The following PTPRD variants were observed in gnomAD, a reference collection of about 807,000 sequenced individuals.
The protein encoded by PTPRD is protein tyrosine phosphatase receptor type D, also known as receptor-type tyrosine-protein phosphatase delta.
PTPRD carries 34 observed loss-of-function variants against 214.5 expected under a neutral mutation model. That is an observed-to-expected ratio of 0.16 (90% CI 0.12 to 0.21). The LOEUF is 0.21. Among genes scored for constraint, PTPRD ranks in the 10% least tolerant of loss-of-function variants. PTPRD has a pLI of 1.00. For missense variants in PTPRD, 2,545 were observed against 2,398.7 expected (o/e 1.06, Z -1.27); for synonymous variants, 1,128 against 845.7 (o/e 1.33, Z -5.79).
At chr9:9,597,691 T>C (rs986914130) in intron 7 of PTPRD, among the ~76,000 whole-genome samples, 6 of 151,922 alleles carry the variant, frequency 3.9e-5, no homozygotes, top group African/African-American at 9.7e-5. Context: ...AAAAAAGATA[T>C]GTAATTGATG....
intron 3 of PTPRD, among the ~76,000 whole-genome samples, chr9:10,311,680 TA>T (rs2096270251): frequency 6.6e-6 from 1 of 152,106 alleles, no homozygotes; most frequent in African/African-American, 2.4e-5. Context: ...AAAGTTAGCA[TA>T]TTTTTTCAGG....
intron 12 of PTPRD, chr9:8,713,501 G>C (rs925943388): frequency 8.7e-6 from 10 of 1,153,200 alleles, no homozygotes; most frequent in Non-Finnish European, 1.3e-5. Flanking sequence ...ACTGTCTACT[G>C]TGGTCAGGTG....
At chr9:9,344,556 T>G (rs934190940) in intron 9 of PTPRD, among the ~76,000 whole-genome samples, 2 of 151,966 alleles carry the variant, frequency 1.3e-5, no homozygotes, top group African/African-American at 4.8e-5. Flanking sequence ...AGTATATATA[T>G]ATGCATTTGT....
intron 8 of PTPRD, among the ~76,000 whole-genome samples, chr9:9,412,982 CATATT>C: frequency 6.6e-6 from 1 of 151,844 alleles, no homozygotes; most frequent in African/African-American, 2.4e-5. Context: ...CAGTCCACCT[CATATT>C]ATACCACAAT....
chr9:9,387,271 G>A (rs182172359), intron 9 of PTPRD, among the ~76,000 whole-genome samples: 11 of 152,266 alleles, frequency 7.2e-5, no homozygotes, highest in East Asian at 5.8e-4. Context: ...AATAATACAA[G>A]TTGGTTTTTC....
intron 9 of PTPRD, among the ~76,000 whole-genome samples, chr9:9,356,105 A>G (rs1368125937): frequency 6.6e-6 from 1 of 151,418 alleles, no homozygotes; most frequent in Non-Finnish European, 1.5e-5. Flanking sequence ...ATAAAGAAGA[A>G]TCACAGAAAA....
intron 11 of PTPRD, among the ~76,000 whole-genome samples, chr9:8,826,211 C>CCTCATCATT (rs200191433): frequency 8.2e-6 from 1 of 121,588 alleles, no homozygotes; most frequent in Non-Finnish European, 1.8e-5. Flanking sequence ...ATCTCTCATC[C>CCTCATCATT]AGACTACCTA....
intron 35 of PTPRD, among the ~76,000 whole-genome samples, chr9:8,425,846 C>A (rs1237282117): frequency 6.6e-6 from 1 of 152,092 alleles, no homozygotes; most frequent in Non-Finnish European, 1.5e-5. Flanking sequence ...TTAAAACTAG[C>A]AGAGACATCA....
In PTPRD at chr9:10,576,809, C is replaced by T. The variant is rs530531207; in HGVS notation, c.-600+35589G>A. ...CAGTTGATTACAAATATAAAATAAA[C>T]ATTTGTGAACAAAAAATTAACCAAG... On this transcript the variant is annotated intron_variant, in intron 2 of 45. Coordinates refer to ENST00000381196, the MANE Select transcript of PTPRD (RefSeq NM_002839.4). Among the ~76,000 whole-genome samples, 16 of 152,180 alleles carry T rather than the reference C, an allele frequency of 1.1e-4. 1 individual carries two copies. In the South Asian group the frequency reaches 3.1e-3, roughly 30 times the overall value.
chr9:9,584,640 C>T (rs751835294), intron 7 of PTPRD, among the ~76,000 whole-genome samples: 13 of 151,912 alleles, frequency 8.6e-5, no homozygotes, highest in Admixed American at 7.3e-4. Context: ...TTCATCCATT[C>T]CTCTTCTATT....
chr9:10,134,736 A>G (rs548116178), intron 3 of PTPRD, among the ~76,000 whole-genome samples: 1 of 152,274 alleles, frequency 6.6e-6, no homozygotes, highest in African/African-American at 2.4e-5. Flanking sequence ...AACAAAAGCA[A>G]CTGCGAAAAG....
At chr9:10,035,823 TAA>T (rs34681377) in intron 3 of PTPRD, among the ~76,000 whole-genome samples, 61 of 147,774 alleles carry the variant, frequency 4.1e-4, no homozygotes, top group East Asian at 1.4e-3. Context: ...TTTACTTCAT[TAA>T]AAAAAAAAAT....
intron 2 of PTPRD, among the ~76,000 whole-genome samples, chr9:10,584,598 T>C (rs79352041): frequency 0.017 from 2,556 of 152,226 alleles, 30 homozygotes; most frequent in South Asian, 0.038. Flanking sequence ...CCAGCTCTTG[T>C]AAAGGATTTA....
chr9:8,469,205 CAA>C (rs2096605560), intron 31 of PTPRD, among the ~76,000 whole-genome samples: 1 of 152,000 alleles, frequency 6.6e-6, no homozygotes, highest in African/African-American at 2.4e-5. Context: ...CAAGAAAGTT[CAA>C]AGTCATATAG....
intron 10 of PTPRD, among the ~76,000 whole-genome samples, chr9:9,072,753 C>G (rs1016927348): frequency 6.6e-6 from 1 of 152,132 alleles, no homozygotes; most frequent in Non-Finnish European, 1.5e-5. Flanking sequence ...GTGAAGTGAT[C>G]TTAAGTTATT....
chr9:8,826,212 AG>A (rs746679348), intron 11 of PTPRD, among the ~76,000 whole-genome samples: 16,181 of 152,104 alleles, frequency 0.11, 948 homozygotes, highest in African/African-American at 0.14. Flanking sequence ...TCTCTCATCC[AG>A]ACTACCTATA....
chr9:8,519,555 C>A (rs2097850601), intron 20 of PTPRD, among the ~76,000 whole-genome samples: 1 of 152,084 alleles, frequency 6.6e-6, no homozygotes, highest in South Asian at 2.1e-4. Context: ...TATAACACCC[C>A]CTAGAATGGC....
At position 8,316,524 on chromosome 9, in the gene PTPRD, T is replaced by G. The variant is rs1348177101; in HGVS notation, c.*1350A>C. ...AGACAATATACGATTGAATACACTT[T>G]TTTTAAACAACTCGATAGCTGATAT... On this transcript the variant is annotated 3_prime_UTR_variant, in exon 46 of 46. Transcript: ENST00000381196. The G allele has an allele frequency of 4.3e-6, 1 of 230,502 alleles. No homozygotes were observed. Among genetic ancestry groups the G allele is most frequent in the Non-Finnish European group, 8.6e-6 (1 of 116,214 alleles). 14.3% of individuals were successfully genotyped at this position (230,502 alleles called of 1,614,324 possible).
intron 27 of PTPRD, among the ~76,000 whole-genome samples, chr9:8,491,190 T>G (rs1012220167): frequency 6.6e-6 from 1 of 152,242 alleles, no homozygotes. Context: ...AAGCATTTTC[T>G]ATCTCAATAC....
Sources: gnomAD v4.1 joint callset for allele counts (sites outside exome capture counted in the v4.1 genomes callset) on GRCh38, gnomAD v4.1.1 for gene constraint, MANE v1.5 for transcripts, NCBI Gene and HGNC (gene_info 2026-07-23, HGNC 2026-07-21) for gene names.